The following ZFPM1 variants were observed in gnomAD, a reference collection of about 807,000 sequenced individuals.
ZFPM1 encodes the protein zinc finger protein ZFPM1.
In ZFPM1, 28 loss-of-function variants were observed where a neutral mutation model predicts 46.3. The observed-to-expected ratio is 0.60, with a 90% CI of 0.45 to 0.83. The LOEUF (loss-of-function observed/expected upper bound fraction) is 0.83, where lower values mean the gene tolerates loss of function less well. Among genes scored for constraint, ZFPM1 ranks in the 40% least tolerant of loss-of-function variants. The probability of loss-of-function intolerance (pLI) is 0.00; values close to 1 mark genes in which losing one functional copy is unlikely to be tolerated. For missense variants in ZFPM1, 1,878 were observed against 1,432.4 expected, an observed-to-expected ratio of 1.31 and a Z score of -5.02; for synonymous variants, 957 against 675.9, an observed-to-expected ratio of 1.42 and a Z score of -6.45.
chr16:88,457,953 G>T, intron 1 of ZFPM1, among the ~76,000 whole-genome samples: 1 of 152,176 alleles, frequency 6.6e-6, no homozygotes, highest in East Asian at 1.9e-4. Context: ...CTTAGGGAAG[G>T]CAGACAGCTC....
chr16:88,502,282 G>A (rs1305405730), intron 3 of ZFPM1, among the ~76,000 whole-genome samples: 3 of 152,028 alleles, frequency 2.0e-5, no homozygotes, highest in Admixed American at 6.5e-5. Context: ...CCTGAGATGC[G>A]GCAAGATGCT....
intron 3 of ZFPM1, among the ~76,000 whole-genome samples, chr16:88,511,940 C>T (rs557956119): frequency 2.6e-5 from 4 of 152,190 alleles, no homozygotes; most frequent in Non-Finnish European, 5.9e-5. Flanking sequence ...TCCCCAGCCC[C>T]ACACCCCTCC....
rs1219409861 is a variant in ZFPM1 at position 88,534,223 on chromosome 16, G to A, written c.2265G>A (p.Pro755=). The change falls in exon 10 of 10, where the codon CCG becomes CCA. Residue 755 remains proline, a synonymous_variant. Coordinates refer to ENST00000319555, the MANE Select transcript of ZFPM1 (RefSeq NM_153813.3). ...ACGAGCTGCACGCGGCCGGCGCCCC[G>A]CCCCCCCCGCCGCCCGGCCACGCCC... ...KLYELHAAGA[P]PPPPPGHAPA... is the part of the protein sequence containing the mutation. 1.0e-5 allele frequency: 7 copies of A among 677,098 alleles called. No homozygotes were observed. The highest frequency in any genetic ancestry group is 1.6e-4 in the East Asian group (1 of 6,232). 41.9% of individuals were successfully genotyped at this position (677,098 alleles called of 1,614,324 possible).
At chr16:88,489,635 G>A (rs997271504) in intron 3 of ZFPM1, among the ~76,000 whole-genome samples, 6 of 152,180 alleles carry the variant, frequency 3.9e-5, no homozygotes, top group East Asian at 1.9e-4. Context: ...CTATGGGGAC[G>A]GAGTCCCATC....
chr16:88,510,048 A>G (rs1910867361), intron 3 of ZFPM1, among the ~76,000 whole-genome samples: 4 of 152,036 alleles, frequency 2.6e-5, no homozygotes, highest in Admixed American at 2.6e-4. Flanking sequence ...CACCTGGTGC[A>G]GCTTCTCAGC....
chr16:88,502,306 T>C (rs1910407985), intron 3 of ZFPM1, among the ~76,000 whole-genome samples: 1 of 151,968 alleles, frequency 6.6e-6, no homozygotes, highest in Non-Finnish European at 1.5e-5. Context: ...TCGGGTTTAT[T>C]GCGTCTCGTG....
intron 3 of ZFPM1, among the ~76,000 whole-genome samples, chr16:88,513,782 T>A (rs1354574700): frequency 6.6e-6 from 1 of 152,084 alleles, no homozygotes; most frequent in African/African-American, 2.4e-5. Context: ...TTCCAGAGGC[T>A]CCCTCCTGCC....
At chr16:88,475,748 A>G (rs1249464615) in intron 1 of ZFPM1, among the ~76,000 whole-genome samples, 1 of 152,062 alleles carries the variant, frequency 6.6e-6, no homozygotes, top group Non-Finnish European at 1.5e-5. Context: ...GCTGCCTACC[A>G]CTGTTAGTTC....
intron 1 of ZFPM1, among the ~76,000 whole-genome samples, chr16:88,481,398 C>A (rs915365150): frequency 1.3e-5 from 2 of 152,144 alleles, no homozygotes; most frequent in African/African-American, 4.8e-5. Context: ...AACCCAGCCC[C>A]AAGTTCCTGT....
intron 6 of ZFPM1, among the ~76,000 whole-genome samples, chr16:88,529,267 C>T (rs886161318): frequency 2.0e-5 from 3 of 152,224 alleles, no homozygotes; most frequent in Non-Finnish European, 4.4e-5. Context: ...CCCAGGGGAA[C>T]AGGGACGGCA....
intron 1 of ZFPM1, among the ~76,000 whole-genome samples, chr16:88,467,633 G>A (rs181539857): frequency 2.5e-3 from 379 of 152,278 alleles, no homozygotes; most frequent in African/African-American, 8.3e-3. Context: ...CCCGGGCCTC[G>A]CAGCTGCCTT....
chr16:88,499,731 G>A (rs1395243129), intron 3 of ZFPM1, among the ~76,000 whole-genome samples: 1 of 152,174 alleles, frequency 6.6e-6, no homozygotes, highest in East Asian at 1.9e-4. Flanking sequence ...ACTGAGGCCA[G>A]GAGAGGTGAG....
chr16:88,523,042 C>G (rs1394595035), intron 4 of ZFPM1, among the ~76,000 whole-genome samples: 1 of 152,120 alleles, frequency 6.6e-6, no homozygotes, highest in Non-Finnish European at 1.5e-5. Flanking sequence ...CCCGTCCCTA[C>G]TTAAACTACA....
At chr16:88,533,018 TG>T (rs1338637188) in intron 9 of ZFPM1, 83 bp downstream of exon 9, 14 of 1,567,044 alleles carry the variant, frequency 8.9e-6, no homozygotes, top group African/African-American at 1.4e-5. Flanking sequence ...CCAAGACAGG[TG>T]GGGGTCCGTT....
intron 1 of ZFPM1, among the ~76,000 whole-genome samples, chr16:88,457,022 G>A (rs949803419): frequency 1.3e-5 from 2 of 152,228 alleles, no homozygotes; most frequent in African/African-American, 2.4e-5. Flanking sequence ...CTCAGAGTTT[G>A]ATTAAACAAA....
chr16:88,500,109 A>C (rs1910166603), intron 3 of ZFPM1, among the ~76,000 whole-genome samples: 1 of 150,238 alleles, frequency 6.7e-6, no homozygotes, highest in Non-Finnish European at 1.5e-5. Flanking sequence ...CCGCCCTCCC[A>C]CCCGGCTTCC....
chr16:88,510,942 T>G (rs990712903), intron 3 of ZFPM1, among the ~76,000 whole-genome samples: 3 of 152,120 alleles, frequency 2.0e-5, no homozygotes, highest in African/African-American at 7.2e-5. Flanking sequence ...AGGTACTCAG[T>G]TGGGTCCGTG....
chr16:88,455,134 T>G (rs1289988875), intron 1 of ZFPM1, among the ~76,000 whole-genome samples: 484 of 40,366 alleles, frequency 0.012, 3 homozygotes, highest in South Asian at 0.076. Context: ...GGTTCTGGGG[T>G]GTGTGTGTGT....
At chr16:88,509,716 G>T (rs1244612659) in intron 3 of ZFPM1, among the ~76,000 whole-genome samples, 2 of 152,202 alleles carry the variant, frequency 1.3e-5, no homozygotes, top group Non-Finnish European at 2.9e-5. Flanking sequence ...GGAGGCAGAA[G>T]ACCCTGGGTG....
Sources: allele counts gnomAD v4.1 joint callset (sites outside exome capture counted in the v4.1 genomes callset), GRCh38; gene constraint gnomAD v4.1.1; transcripts MANE v1.5; gene names NCBI Gene and HGNC (gene_info 2026-07-23, HGNC 2026-07-21).